The following CECR2 variants were observed in gnomAD, a reference collection of about 807,000 sequenced individuals.
The protein encoded by CECR2 is CECR2 histone acetyl-lysine reader.
In CECR2, 30 loss-of-function variants were observed where a neutral mutation model predicts 154.5. That is an observed-to-expected ratio of 0.19 (90% CI 0.15 to 0.26). The LOEUF is 0.26. Ranked by LOEUF, CECR2 falls within the 10% of genes least tolerant of loss-of-function variation. The probability of loss-of-function intolerance (pLI) is 1.00; values close to 1 mark genes in which losing one functional copy is unlikely to be tolerated. For synonymous variants in CECR2, 725 were observed against 683.7 expected, an observed-to-expected ratio of 1.06 and a Z score of -0.94; for missense variants, 1,743 against 1,829.3, an observed-to-expected ratio of 0.95 and a Z score of 0.86.
chr22:17,488,276 T>C (rs1248465534), intron 2 of CECR2, among the ~76,000 whole-genome samples: 1 of 152,240 alleles, frequency 6.6e-6, no homozygotes, highest in African/African-American at 2.4e-5. Flanking sequence ...GGGTTCTCTT[T>C]ACAGAAATAT....
intron 1 of CECR2, among the ~76,000 whole-genome samples, chr22:17,431,729 T>C (rs1324958860): frequency 6.6e-6 from 1 of 152,098 alleles, no homozygotes; most frequent in African/African-American, 2.4e-5. Context: ...TTCTTATTGA[T>C]GCGTGTTGTA....
intron 1 of CECR2, among the ~76,000 whole-genome samples, chr22:17,395,317 C>A (rs1194650217): frequency 6.6e-6 from 1 of 151,944 alleles, no homozygotes; most frequent in Non-Finnish European, 1.5e-5. Context: ...TGTGAGCCTC[C>A]GCACCCGGCT....
chr22:17,440,727 T>C (rs774706743), intron 1 of CECR2, among the ~76,000 whole-genome samples: 1 of 152,138 alleles, frequency 6.6e-6, no homozygotes, highest in Non-Finnish European at 1.5e-5. Flanking sequence ...CGAACAGATT[T>C]ATTAGAAACA....
intron 1 of CECR2, among the ~76,000 whole-genome samples, chr22:17,414,908 T>C (rs73375059): frequency 0.027 from 4,144 of 152,298 alleles, 194 homozygotes; most frequent in African/African-American, 0.094. Flanking sequence ...CATGCTTACA[T>C]GTTTAAGGCA....
At chr22:17,524,915 C>T in intron 9 of CECR2, 1 of 401,128 alleles carries the variant, frequency 2.5e-6, no homozygotes, top group Non-Finnish European at 5.0e-6. Context: ...GATCTTGCCG[C>T]CTCGGCCTCC....
rs559760920 is a variant in CECR2, at chr22:17,556,809, T to C, written c.*3969T>C. ...TCTGTGATTCTCCATGGACCCGCAT[T>C]GCAGAAAATCAGTCCCATATATTAG... On this transcript the variant is annotated 3_prime_UTR_variant, in exon 19 of 19. Coordinates refer to ENST00000262608, the MANE Select transcript of CECR2 (RefSeq NM_001290047.2). The C allele has an allele frequency of 9.2e-5, 14 of 152,262 alleles. No homozygotes were observed. The highest frequency in any genetic ancestry group is 1.5e-4 in the Non-Finnish European group (10 of 68,068). 9.4% of individuals were successfully genotyped at this position (152,262 alleles called of 1,614,324 possible).
intron 1 of CECR2, 38 bp from the exon 2 acceptor site, chr22:17,477,550 C>G (rs377103009): frequency 8.6e-5 from 117 of 1,361,022 alleles, no homozygotes; most frequent in Non-Finnish European, 4.2e-6. Context: ...TAAGAAATCT[C>G]TGTTTGATTT....
chr22:17,524,439 C>A, intron 9 of CECR2, 168 bp downstream of exon 9: 1 of 754,246 alleles, frequency 1.3e-6, no homozygotes, highest in South Asian at 1.9e-5. Flanking sequence ...GTCGCCCAGG[C>A]TGGAGTGCAG....
rs1471340965 is a variant in CECR2, at chr22:17,463,422, G to T, written c.127-14166G>T. On this transcript the variant is annotated intron_variant, in intron 1 of 18. Coordinates refer to ENST00000262608, the MANE Select transcript of CECR2 (RefSeq NM_001290047.2). ...GAGAAGCAGGGAGTTTGGTGAGGAAGCTTTTAAATGGATGAAGCTCAGACA... is the reference window on the plus strand; with the variant it reads ...GAGAAGCAGGGAGTTTGGTGAGGAATCTTTTAAATGGATGAAGCTCAGACA... Among the ~76,000 whole-genome samples, 4 of 152,182 alleles carry T rather than the reference G, an allele frequency of 2.6e-5. 1 individual carries two copies. The East Asian group carries it at 5.8e-4, about 22-fold the overall frequency.
intron 1 of CECR2, among the ~76,000 whole-genome samples, chr22:17,465,844 C>G (rs2055023547): frequency 6.6e-6 from 1 of 152,050 alleles, no homozygotes. Flanking sequence ...GTCTTGAACT[C>G]CTGTCCTCAA....
In CECR2 at chr22:17,557,630, G is replaced by A. The variant is rs955712425; in HGVS notation, c.*4790G>A. ...GAACTCTAACGTCAGAACGGCTGAC[G>A]AGCAGTTGATTGTCCTTGCTTGTGT... On this transcript the variant is annotated 3_prime_UTR_variant, in exon 19 of 19. Coordinates refer to ENST00000262608, the MANE Select transcript of CECR2 (RefSeq NM_001290047.2). 2.2e-5 allele frequency: 3 copies of A among 138,682 alleles called. No individual in the cohort carries two copies. The highest frequency in any genetic ancestry group is 4.7e-5 in the Non-Finnish European group (3 of 64,076). The allele number at this position is 138,682 out of a possible 1,614,324, so 8.6% of individuals were successfully genotyped here. A position where few individuals can be genotyped will look rare whatever the true frequency, so the allele number is the denominator to read the frequency against.
chr22:17,360,842 TCAAACAAA>T (rs112098808), intron 1 of CECR2, among the ~76,000 whole-genome samples: 11,922 of 150,012 alleles, frequency 0.079, 633 homozygotes, highest in Non-Finnish European at 0.12. Flanking sequence ...AGACCCTGTC[TCAAACAAA>T]CAAACAAACA....
At chr22:17,471,006 C>T (rs938295023) in intron 1 of CECR2, among the ~76,000 whole-genome samples, 1 of 152,172 alleles carries the variant, frequency 6.6e-6, no homozygotes, top group African/African-American at 2.4e-5. Context: ...GAGCTGTATT[C>T]CAAAGCAGCT....
At chr22:17,429,555 A>AAC (rs1225173247) in intron 1 of CECR2, among the ~76,000 whole-genome samples, 1 of 151,132 alleles carries the variant, frequency 6.6e-6, no homozygotes, top group African/African-American at 2.4e-5. Flanking sequence ...CAAAAACAAA[A>AAC]ACAAAGAAAA....
At chr22:17,495,659 G>A (rs1301781465) in intron 2 of CECR2, among the ~76,000 whole-genome samples, 5 of 150,904 alleles carry the variant, frequency 3.3e-5, no homozygotes, top group East Asian at 1.9e-4. Context: ...TCAGGAAATC[G>A]AGACCATCCT....
At position 17,446,785 on chromosome 22, in the gene CECR2, A is replaced by T. The variant is rs565882128; in HGVS notation, c.127-30803A>T. 2.0e-5 allele frequency among the ~76,000 whole-genome samples: 3 copies of T among 152,186 alleles called. No individual in the cohort carries two copies. In the South Asian group the frequency reaches 6.2e-4, roughly 32 times the overall value. ...AGCAGCAGCAAGATTTATTATGAAG[A>T]CCGAAAGAACAAAGCTTCCACAAAG... is the stretch of plus-strand genomic sequence containing the variant. On this transcript the variant is annotated intron_variant, in intron 1 of 18. Transcript: ENST00000262608.
At chr22:17,544,355 G>A (rs546518071) in intron 16 of CECR2, among the ~76,000 whole-genome samples, 157 of 151,508 alleles carry the variant, frequency 1.0e-3, no homozygotes, top group Non-Finnish European at 1.8e-3. Context: ...AAAATTAGCC[G>A]AGCGTGGTGG....
At chr22:17,529,450 C>T (rs887439400) in intron 9 of CECR2, among the ~76,000 whole-genome samples, 1 of 152,174 alleles carries the variant, frequency 6.6e-6, no homozygotes, top group Non-Finnish European at 1.5e-5. Flanking sequence ...GTTGTAATCC[C>T]AGCACTTTGG....
intron 1 of CECR2, among the ~76,000 whole-genome samples, chr22:17,430,757 G>A (rs1277558350): frequency 6.6e-6 from 1 of 152,052 alleles, no homozygotes; most frequent in African/African-American, 2.4e-5. Context: ...TGGCTGCAGT[G>A]TCTCTTGGTG....
Sources: gnomAD v4.1 joint callset for allele counts (sites outside exome capture counted in the v4.1 genomes callset) on GRCh38, gnomAD v4.1.1 for gene constraint, MANE v1.5 for transcripts, NCBI Gene and HGNC (gene_info 2026-07-23, HGNC 2026-07-21) for gene names.